Variants in ENTPD5 observed in about 807,000 individuals in gnomAD.
The protein encoded by ENTPD5 is ectonucleoside triphosphate diphosphohydrolase 5 (inactive).
Under a neutral mutation model 60.2 loss-of-function variants are expected in ENTPD5, and 49 were observed. The ratio of observed to expected loss-of-function variants is 0.81; its 90% CI spans 0.65 to 1.03. The LOEUF is 1.03. Among genes scored for constraint, ENTPD5 ranks in the 50% least tolerant of loss-of-function variants. ENTPD5 has a pLI of 0.00. For missense variants in ENTPD5, 480 were observed against 507.6 expected, an observed-to-expected ratio of 0.95 and a Z score of 0.52; for synonymous variants, 187 against 185.4, an observed-to-expected ratio of 1.01 and a Z score of -0.07.
At chr14:73,993,149 C>T (rs1351411479) in intron 3 of ENTPD5, among the ~76,000 whole-genome samples, 1 of 152,018 alleles carries the variant, frequency 6.6e-6, no homozygotes, top group East Asian at 1.9e-4. Flanking sequence ...CCAGCTTGGG[C>T]AACATGATGA....
At chr14:73,960,792 T>A, downstream of ENTPD5, 1 of 371,708 alleles carries the variant, frequency 2.7e-6, no homozygotes, top group Non-Finnish European at 5.0e-6. Flanking sequence ...AGAGGCGACG[T>A]CTTCTGGATG....
downstream of ENTPD5, chr14:73,955,941 T>G: frequency 6.2e-7 from 1 of 1,613,934 alleles, no homozygotes; most frequent in Non-Finnish European, 8.5e-7. Context: ...GAGGCCCCCA[T>G]CTTCCACCTT....
chr14:73,978,778 C>T (rs1326902312), intron 6 of ENTPD5, among the ~76,000 whole-genome samples: 12 of 150,232 alleles, frequency 8.0e-5, no homozygotes, highest in Non-Finnish European at 3.0e-5. Flanking sequence ...GGCATGATGG[C>T]GCATGCCTGT....
intron 3 of ENTPD5, among the ~76,000 whole-genome samples, chr14:74,004,810 C>A (rs1228982103): frequency 2.0e-5 from 3 of 152,110 alleles, no homozygotes; most frequent in Non-Finnish European, 4.4e-5. Flanking sequence ...CATACACTAT[C>A]ATATCCCTAT....
chr14:73,985,247 G>A (rs917525151), intron 5 of ENTPD5, among the ~76,000 whole-genome samples: 8 of 152,114 alleles, frequency 5.3e-5, no homozygotes, highest in African/African-American at 1.7e-4. Flanking sequence ...AATCCTTTGG[G>A]TATATACCGA....
downstream of ENTPD5, chr14:73,963,100 C>A: frequency 1.0e-6 from 1 of 1,004,044 alleles, no homozygotes; most frequent in South Asian, 1.3e-5. Flanking sequence ...AATAAACTTA[C>A]TTTACATTAA....
chr14:73,975,134 C>T (rs182697512), intron 10 of ENTPD5, 149 bp from the exon 11 acceptor site: 1 of 653,272 alleles, frequency 1.5e-6, no homozygotes, highest in East Asian at 2.7e-5. Context: ...CTGTGGTCAA[C>T]AAGGGGTAAT....
At chr14:73,972,777 G>T in intron 13 of ENTPD5, 107 bp downstream of exon 13, 1 of 1,291,550 alleles carries the variant, frequency 7.7e-7, no homozygotes, top group Non-Finnish European at 1.1e-6. Context: ...TAGAAAAGAG[G>T]TGGGTAATCA....
downstream of ENTPD5, chr14:73,956,045 C>T (rs375952109): frequency 7.9e-5 from 117 of 1,488,760 alleles, 1 homozygote; most frequent in South Asian, 1.2e-3. Context: ...CCTCTGATGG[C>T]CGGGTGCGGT....
chr14:73,981,596 A>G (rs1355681613), intron 6 of ENTPD5, among the ~76,000 whole-genome samples: 1 of 152,014 alleles, frequency 6.6e-6, no homozygotes, highest in African/African-American at 2.4e-5. Context: ...TGAGCTCAGG[A>G]GTTTGAAACC....
intron 1 of ENTPD5, among the ~76,000 whole-genome samples, chr14:74,018,236 A>G (rs2059117003): frequency 6.6e-6 from 1 of 152,128 alleles, no homozygotes; most frequent in African/African-American, 2.4e-5. Flanking sequence ...ATGTTCCCTC[A>G]GAAGAAACAG....
intron 1 of ENTPD5, among the ~76,000 whole-genome samples, chr14:74,016,331 T>C (rs560172315): frequency 1.3e-5 from 2 of 152,256 alleles, no homozygotes; most frequent in South Asian, 2.1e-4. Context: ...ATAAAAAATA[T>C]ATATAATACA....
At chr14:73,971,399 C>T (rs1173915346) in intron 14 of ENTPD5, among the ~76,000 whole-genome samples, 1 of 152,154 alleles carries the variant, frequency 6.6e-6, no homozygotes, top group Non-Finnish European at 1.5e-5. Context: ...TCAGGTGATC[C>T]GCCCACCTTG....
rs1179823288 is a variant in ENTPD5, at chr14:73,965,046, T to G, written c.*1882A>C. 1 of 152,156 alleles carries G rather than the reference T, an allele frequency of 6.6e-6. No homozygotes were observed. Among genetic ancestry groups the G allele is most frequent in the African/African-American group, 2.4e-5 (1 of 41,438 alleles). 9.4% of individuals were successfully genotyped at this position (152,156 alleles called of 1,614,324 possible). On this transcript the variant is annotated 3_prime_UTR_variant, in exon 16 of 16. Transcript: ENST00000334696. ...ATTATAAGCATTTTGAGGAAGGCAG[T>G]TGGTATAAAGGTGACCTTAGTAATA...
In ENTPD5 at chr14:73,963,867, C is replaced by T. The variant is rs990704888; in HGVS notation, c.*3061G>A. The T allele has an allele frequency of 6.6e-6, 1 of 152,178 alleles. No individual in the cohort carries two copies. Among genetic ancestry groups the T allele is most frequent in the African/African-American group, 2.4e-5 (1 of 41,438 alleles). The allele number at this position is 152,178 out of a possible 1,614,324, so 9.4% of individuals were successfully genotyped here. A position where few individuals can be genotyped will look rare whatever the true frequency, so the allele number is the denominator to read the frequency against. On this transcript the variant is annotated 3_prime_UTR_variant, in exon 16 of 16. Coordinates refer to ENST00000334696, the MANE Select transcript of ENTPD5 (RefSeq NM_001249.5). ...GAAGAGAAACAGTCTGCTTTTGAAC[C>T]AAGTAAGGTATTCTTGGGAATAATT... is the stretch of plus-strand genomic sequence containing the variant.
chr14:73,991,418 G>A (rs1313037964), intron 3 of ENTPD5, among the ~76,000 whole-genome samples: 5 of 151,788 alleles, frequency 3.3e-5, no homozygotes, highest in African/African-American at 4.8e-5. Context: ...TGAAACCCCC[G>A]TCTCTACTAA....
At chr14:73,981,894 A>G (rs2057706883) in intron 6 of ENTPD5, among the ~76,000 whole-genome samples, 1 of 152,186 alleles carries the variant, frequency 6.6e-6, no homozygotes, top group South Asian at 2.1e-4. Flanking sequence ...ATATACAAAA[A>G]TAAAAATAAA....
intron 3 of ENTPD5, among the ~76,000 whole-genome samples, chr14:73,990,779 A>G (rs980373835): frequency 3.9e-5 from 6 of 152,068 alleles, no homozygotes; most frequent in Non-Finnish European, 7.4e-5. Context: ...CTGTAATCTC[A>G]GCACTTTGGG....
At chr14:73,958,705 T>C, downstream of ENTPD5, 2 of 1,373,122 alleles carry the variant, frequency 1.5e-6, no homozygotes, top group Non-Finnish European at 1.9e-6. Context: ...TCCTTATTGC[T>C]CTCTAGTTCA....
Sources: allele counts gnomAD v4.1 joint callset (sites outside exome capture counted in the v4.1 genomes callset), GRCh38; gene constraint gnomAD v4.1.1; transcripts MANE v1.5; gene names NCBI Gene and HGNC (gene_info 2026-07-23, HGNC 2026-07-21).